CACNA2D3: variants seen among roughly 807,000 people sequenced by gnomAD.
CACNA2D3 encodes voltage-dependent calcium channel subunit alpha-2/delta-3.
In CACNA2D3, 60 loss-of-function variants were observed where a neutral mutation model predicts 160.6. The ratio of observed to expected loss-of-function variants is 0.37; its 90% CI spans 0.30 to 0.46. CACNA2D3 has a LOEUF of 0.46. Ranked by LOEUF, CACNA2D3 falls within the 20% of genes least tolerant of loss-of-function variation. The pLI, the probability that CACNA2D3 is intolerant of heterozygous loss-of-function variation, is 1.00. For missense variants in CACNA2D3, 1,205 were observed against 1,365.0 expected, an observed-to-expected ratio of 0.88 and a Z score of 1.85; for synonymous variants, 558 against 492.9, an observed-to-expected ratio of 1.13 and a Z score of -1.75.
intron 13 of CACNA2D3, among the ~76,000 whole-genome samples, chr3:54,770,642 C>G (rs922600164): frequency 1.3e-5 from 2 of 152,128 alleles, no homozygotes; most frequent in African/African-American, 2.4e-5. Context: ...TTGTGCCTGT[C>G]GCCCACAGCA....
intron 2 of CACNA2D3, among the ~76,000 whole-genome samples, chr3:54,179,659 GT>G (rs1257231851): frequency 6.6e-6 from 1 of 152,196 alleles, no homozygotes; most frequent in African/African-American, 2.4e-5. Flanking sequence ...CCTCAATGTG[GT>G]GGTAGTTGGA....
intron 5 of CACNA2D3, among the ~76,000 whole-genome samples, chr3:54,548,737 A>G (rs1022549408): frequency 6.6e-6 from 1 of 152,150 alleles, no homozygotes; most frequent in Admixed American, 6.5e-5. Context: ...TGTTAAACCA[A>G]TGACAGCAGA....
intron 11 of CACNA2D3, among the ~76,000 whole-genome samples, chr3:54,732,117 G>C (rs1185158410): frequency 2.0e-5 from 3 of 152,172 alleles, no homozygotes; most frequent in Non-Finnish European, 2.9e-5. Context: ...TTTAGGCTAC[G>C]TGTTTAAGGG....
rs114854589 is a variant in CACNA2D3, at chr3:54,359,386, G to A, written c.322-27329G>A. 2.5e-3 allele frequency among the ~76,000 whole-genome samples: 374 copies of A among 152,326 alleles called. 3 individuals are homozygous for A. Among genetic ancestry groups the A allele is most frequent in the African/African-American group, 8.7e-3 (361 of 41,566 alleles). ...GTCAGGCATGGGTAGAGGTCAGAGTGTGTGTTTTGGCATAGAGATAGAATA... is the reference window on the plus strand; with the variant it reads ...GTCAGGCATGGGTAGAGGTCAGAGTATGTGTTTTGGCATAGAGATAGAATA... On this transcript the variant is annotated intron_variant, in intron 3 of 37. Coordinates refer to ENST00000474759, the MANE Select transcript of CACNA2D3 (RefSeq NM_018398.3).
At chr3:54,157,566 A>C (rs1002433915) in intron 2 of CACNA2D3, among the ~76,000 whole-genome samples, 4 of 152,298 alleles carry the variant, frequency 2.6e-5, no homozygotes, top group Non-Finnish European at 4.4e-5. Context: ...CTAGGTGGGC[A>C]GATCCCTGAG....
At chr3:54,429,660 A>G (rs112021555) in intron 4 of CACNA2D3, among the ~76,000 whole-genome samples, 70 of 152,300 alleles carry the variant, frequency 4.6e-4, no homozygotes, top group African/African-American at 1.5e-3. Flanking sequence ...CTGGACTGCG[A>G]ATAGCACTTT....
intron 3 of CACNA2D3, among the ~76,000 whole-genome samples, chr3:54,376,232 A>T (rs770287099): frequency 2.1e-5 from 3 of 141,274 alleles, no homozygotes; most frequent in Admixed American, 7.4e-5. Flanking sequence ...GACAGGAGAG[A>T]CTAGGCAGAG....
At position 54,955,648 on chromosome 3, in the gene CACNA2D3, T is replaced by C. The variant is rs1250985735; in HGVS notation, c.2450-12802T>C. 3.3e-5 allele frequency among the ~76,000 whole-genome samples: 5 copies of C among 152,010 alleles called. No individual in the cohort carries two copies. In the East Asian group the frequency reaches 9.7e-4, roughly 29 times the overall value. On this transcript the variant is annotated intron_variant, in intron 27 of 37. Transcript: ENST00000474759. ...TCATTCTTTGAGTCCCAACAGAATG[T>C]TGGTGGAATGGAGAAATGTGTAAAT...
intron 12 of CACNA2D3, among the ~76,000 whole-genome samples, chr3:54,758,269 C>A (rs1434313916): frequency 6.6e-6 from 1 of 152,184 alleles, no homozygotes; most frequent in Non-Finnish European, 1.5e-5. Flanking sequence ...AGATTGTTTT[C>A]TTCTTTTTCT....
intron 2 of CACNA2D3, among the ~76,000 whole-genome samples, chr3:54,149,587 G>A (rs1044418214): frequency 1.3e-5 from 2 of 152,170 alleles, no homozygotes; most frequent in Non-Finnish European, 2.9e-5. Flanking sequence ...GAGAGGATGT[G>A]GCTGTAGGAA....
chr3:54,463,453 C>A (rs536909474), intron 4 of CACNA2D3, among the ~76,000 whole-genome samples: 1 of 152,184 alleles, frequency 6.6e-6, no homozygotes, highest in Non-Finnish European at 1.5e-5. Context: ...TGCCATATTT[C>A]TTGGAGGCTT....
At chr3:54,619,372 A>G (rs967134258) in intron 9 of CACNA2D3, among the ~76,000 whole-genome samples, 5 of 152,206 alleles carry the variant, frequency 3.3e-5, no homozygotes, top group Admixed American at 3.3e-4. Flanking sequence ...GAGAATCACC[A>G]ATTCTGAGCT....
intron 13 of CACNA2D3, among the ~76,000 whole-genome samples, chr3:54,774,905 A>T (rs1702397283): frequency 6.6e-6 from 1 of 152,054 alleles, no homozygotes; most frequent in African/African-American, 2.4e-5. Context: ...AAGTGCTGGG[A>T]TTACAGATGT....
chr3:54,985,423 TA>T (rs1166114597), intron 30 of CACNA2D3, among the ~76,000 whole-genome samples: 1 of 152,166 alleles, frequency 6.6e-6, no homozygotes, highest in Middle Eastern at 3.4e-3. Flanking sequence ...CATTAACGTA[TA>T]AAAAAAGGTA....
intron 2 of CACNA2D3, among the ~76,000 whole-genome samples, chr3:54,125,217 A>G (rs1434548845): frequency 6.7e-6 from 1 of 148,964 alleles, no homozygotes; most frequent in Non-Finnish European, 1.5e-5. Context: ...CACATTAAAT[A>G]TGTTTTTTTC....
chr3:54,597,138 C>T (rs991251226), intron 9 of CACNA2D3, among the ~76,000 whole-genome samples: 3 of 152,236 alleles, frequency 2.0e-5, no homozygotes, highest in Non-Finnish European at 4.4e-5. Flanking sequence ...TCCCTTTCCA[C>T]CTGAGATAAA....
At chr3:54,696,614 C>T (rs1468395632) in intron 11 of CACNA2D3, among the ~76,000 whole-genome samples, 1 of 152,042 alleles carries the variant, frequency 6.6e-6, no homozygotes, top group Non-Finnish European at 1.5e-5. Flanking sequence ...CCACTGTCCC[C>T]CACTCACCTT....
At chr3:54,555,399 G>T (rs1702227954) in intron 5 of CACNA2D3, among the ~76,000 whole-genome samples, 1 of 152,092 alleles carries the variant, frequency 6.6e-6, no homozygotes, top group African/African-American at 2.4e-5. Flanking sequence ...ATCTGGAAAG[G>T]TATGCAAGGG....
At chr3:54,288,819 A>C (rs1340634554) in intron 2 of CACNA2D3, among the ~76,000 whole-genome samples, 1 of 152,106 alleles carries the variant, frequency 6.6e-6, no homozygotes, top group Non-Finnish European at 1.5e-5. Context: ...CAAAGACAAA[A>C]ACCACGTGAT....
Sources: gnomAD v4.1 joint callset for allele counts (sites outside exome capture counted in the v4.1 genomes callset) on GRCh38, gnomAD v4.1.1 for gene constraint, MANE v1.5 for transcripts, NCBI Gene and HGNC (gene_info 2026-07-23, HGNC 2026-07-21) for gene names.